Variants in SLAMF6 observed in about 807,000 individuals in gnomAD.
SLAMF6 encodes the protein SLAM family member 6.
SLAMF6 carries 21 observed loss-of-function variants against 38.3 expected under a neutral mutation model. The observed-to-expected ratio is 0.55, with a 90% CI of 0.39 to 0.79. The LOEUF (loss-of-function observed/expected upper bound fraction) is 0.79, where lower values mean the gene tolerates loss of function less well. SLAMF6 is among the 30% of genes least tolerant of loss of function. The pLI is 0.00. For missense variants in SLAMF6, 341 were observed against 385.3 expected (o/e 0.89, Z 0.96); for synonymous variants, 152 against 146.3 (o/e 1.04, Z -0.28).
rs141612264 is a variant in SLAMF6, at chr1:160,499,248, G to A, written c.50-2855C>T. ...AGTTAATTTTCGTATATGGTTAAAG[G>A]TAAGGGTCCAGTTTCAATCTTCTGC... On this transcript the variant is annotated intron_variant, in intron 1 of 7. Coordinates refer to ENST00000368057, the MANE Select transcript of SLAMF6 (RefSeq NM_001184714.2). 9.9e-5 allele frequency among the ~76,000 whole-genome samples: 15 copies of A among 152,234 alleles called. No individual in the cohort carries two copies. The East Asian group carries it at 1.9e-3, about 20-fold the overall frequency.
chr1:160,520,443 G>C (rs997153781), intron 1 of SLAMF6, among the ~76,000 whole-genome samples: 1 of 152,094 alleles, frequency 6.6e-6, no homozygotes, highest in Admixed American at 6.6e-5. Flanking sequence ...TGTCACCTGG[G>C]AGCCTCTTAG....
intron 1 of SLAMF6, among the ~76,000 whole-genome samples, chr1:160,515,943 TA>T (rs974547693): frequency 2.6e-5 from 4 of 152,020 alleles, no homozygotes; most frequent in African/African-American, 9.7e-5. Context: ...AAAACCAGCA[TA>T]AGACAAGGAT....
At chr1:160,517,037 G>A (rs1405894003) in intron 1 of SLAMF6, among the ~76,000 whole-genome samples, 1 of 152,132 alleles carries the variant, frequency 6.6e-6, no homozygotes, top group East Asian at 1.9e-4. Flanking sequence ...AAGAGCTTCT[G>A]CATAGCAGAA....
At chr1:160,510,222 A>G (rs1654402655) in intron 1 of SLAMF6, among the ~76,000 whole-genome samples, 1 of 152,156 alleles carries the variant, frequency 6.6e-6, no homozygotes, top group Non-Finnish European at 1.5e-5. Flanking sequence ...AGAAGAGGAG[A>G]AAAACACTTC....
At chr1:160,498,002 G>A (rs1653683648) in intron 1 of SLAMF6, among the ~76,000 whole-genome samples, 1 of 152,156 alleles carries the variant, frequency 6.6e-6, no homozygotes, top group Non-Finnish European at 1.5e-5. Flanking sequence ...ACCCAGTAAT[G>A]GGATTGCTGG....
Position 160,487,086 on chromosome 1 carries a change from G to A in SLAMF6, c.951+18C>T. ...AGAGAGGTAAGAATATAAAAACATGGAGCAATCGTGGGCTTACCTCTTTGG... is the reference window on the plus strand; with the variant it reads ...AGAGAGGTAAGAATATAAAAACATGAAGCAATCGTGGGCTTACCTCTTTGG... On this transcript the variant is annotated intron_variant, in intron 7 of 7. Coordinates refer to ENST00000368057, the MANE Select transcript of SLAMF6 (RefSeq NM_001184714.2). The A allele has an allele frequency of 1.3e-6, 2 of 1,579,442 alleles. No individual in the cohort carries two copies. The highest frequency in any genetic ancestry group is 1.7e-6 in the Non-Finnish European group (2 of 1,150,038).
chr1:160,486,880 G>T, intron 7 of SLAMF6, 126 bp from the exon 8 acceptor site: 1 of 1,116,948 alleles, frequency 9.0e-7, no homozygotes, highest in Non-Finnish European at 1.3e-6. Context: ...ATAGCATAGG[G>T]CAGGATTAAA....
chr1:160,505,775 A>G (rs1382308220), intron 1 of SLAMF6, among the ~76,000 whole-genome samples: 1 of 152,192 alleles, frequency 6.6e-6, no homozygotes, highest in Non-Finnish European at 1.5e-5. Context: ...CAAGAAAAGG[A>G]TATATAAAGA....
At chr1:160,487,371 C>T (rs1653021304) in intron 6 of SLAMF6, among the ~76,000 whole-genome samples, 196 bp from the exon 7 acceptor site, 1 of 152,132 alleles carries the variant, frequency 6.6e-6, no homozygotes, top group Non-Finnish European at 1.5e-5. Flanking sequence ...TTTCCTGAGC[C>T]CCAAACAGAA....
At chr1:160,487,919 G>A (rs1031791832) in intron 6 of SLAMF6, among the ~76,000 whole-genome samples, 11 of 151,890 alleles carry the variant, frequency 7.2e-5, no homozygotes, top group African/African-American at 1.7e-4. Context: ...GTGAAACCCC[G>A]TCTCTACAAA....
At chr1:160,504,095 G>A (rs1180630393) in intron 1 of SLAMF6, among the ~76,000 whole-genome samples, 1 of 151,960 alleles carries the variant, frequency 6.6e-6, no homozygotes, top group Non-Finnish European at 1.5e-5. Flanking sequence ...TAAAGCAGTG[G>A]TTATCAGAGG....
Position 160,522,081 on chromosome 1 carries a change from A to C in SLAMF6, c.49+1063T>G, listed in dbSNP as rs12562708. ...TCTCATTCCAATTACCAATTACTCT[A>C]CTTAACTCCATATTGATGGGATCTC... On this transcript the variant is annotated intron_variant, in intron 1 of 7. Coordinates refer to ENST00000368057, the MANE Select transcript of SLAMF6 (RefSeq NM_001184714.2). Among the ~76,000 whole-genome samples the C allele has an allele frequency of 3.9e-3, 586 of 152,196 alleles. 3 individuals are homozygous for C. Among genetic ancestry groups the C allele is most frequent in the Admixed American group, 0.019 (290 of 15,266 alleles).
chr1:160,509,750 T>A (rs1418035152), intron 1 of SLAMF6, among the ~76,000 whole-genome samples: 1 of 151,860 alleles, frequency 6.6e-6, no homozygotes, highest in Admixed American at 6.6e-5. Context: ...ATCATAAAAA[T>A]TAGAGCAGAG....
In SLAMF6 at chr1:160,496,160, G is replaced by T; in HGVS notation, c.283C>A (p.Gln95Lys). The change falls in exon 2 of 8, where the codon CAA (glutamine) becomes AAA (lysine). Residue 95 changes from glutamine to lysine, a missense_variant. Physicochemically the swap from Gln to Lys is moderately conservative, Grantham distance 53. Transcript: ENST00000368057. ...RLNFTQSYSL[Q>K]LSNLKMEDTG... The stretch of plus-strand genomic sequence containing the variant: ...TCTTCCATCTTCAGGTTGCTGAGTT[G>T]CAGGGAGTAGGACTGGGTGAAGTTC... The T allele has an allele frequency of 6.2e-7, 1 of 1,613,952 alleles. No individual in the cohort carries two copies. Among genetic ancestry groups the T allele is most frequent in the Non-Finnish European group, 8.5e-7 (1 of 1,179,910 alleles).
intron 1 of SLAMF6, among the ~76,000 whole-genome samples, chr1:160,510,560 T>C (rs979201620): frequency 3.9e-5 from 6 of 152,116 alleles, no homozygotes; most frequent in African/African-American, 1.4e-4. Flanking sequence ...AAAAACACTT[T>C]AGAATCTAGA....
intron 2 of SLAMF6, among the ~76,000 whole-genome samples, chr1:160,495,489 A>G (rs1653527157): frequency 6.6e-6 from 1 of 152,216 alleles, no homozygotes; most frequent in South Asian, 2.1e-4. Flanking sequence ...TTAAAAATTA[A>G]ATAACCTTGA....
intron 1 of SLAMF6, among the ~76,000 whole-genome samples, chr1:160,498,246 A>C (rs1469324926): frequency 6.6e-6 from 1 of 152,100 alleles, no homozygotes; most frequent in African/African-American, 2.4e-5. Flanking sequence ...AATACAAAAA[A>C]GTGTATTAGT....
chr1:160,515,883 C>T (rs1438747079), intron 1 of SLAMF6, among the ~76,000 whole-genome samples: 1 of 152,094 alleles, frequency 6.6e-6, no homozygotes, highest in African/African-American at 2.4e-5. Context: ...TTATGACAAA[C>T]CAACAACCAA....
intron 1 of SLAMF6, among the ~76,000 whole-genome samples, chr1:160,503,663 T>C (rs948172624): frequency 6.6e-6 from 1 of 152,004 alleles, no homozygotes; most frequent in East Asian, 1.9e-4. Context: ...AATAAATAAC[T>C]GCAAGGGTCC....
Sources: gnomAD v4.1 joint callset for allele counts (sites outside exome capture counted in the v4.1 genomes callset) on GRCh38, gnomAD v4.1.1 for gene constraint, MANE v1.5 for transcripts, NCBI Gene and HGNC (gene_info 2026-07-23, HGNC 2026-07-21) for gene names.